NLGN1: variants seen among roughly 807,000 people sequenced by gnomAD.
The protein encoded by NLGN1 is neuroligin 1.
Under a neutral mutation model 65.5 loss-of-function variants are expected in NLGN1, and 12 were observed. That is an observed-to-expected ratio of 0.18 (90% CI 0.12 to 0.30). The LOEUF is 0.30. Ranked by LOEUF, NLGN1 falls within the 10% of genes least tolerant of loss-of-function variation. NLGN1 has a pLI of 1.00. For missense variants in NLGN1, 750 were observed against 1,007.1 expected (o/e 0.74, Z 3.46); for synonymous variants, 350 against 359.5 (o/e 0.97, Z 0.30).
intron 4 of NLGN1, among the ~76,000 whole-genome samples, chr3:174,043,107 T>C (rs2043000548): frequency 6.6e-6 from 1 of 152,168 alleles, no homozygotes; most frequent in African/African-American, 2.4e-5. Flanking sequence ...GAGAACTCAC[T>C]CACCATCATG....
intron 4 of NLGN1, among the ~76,000 whole-genome samples, chr3:174,264,409 C>T (rs1386264946): frequency 4.8e-5 from 7 of 146,086 alleles, no homozygotes; most frequent in African/African-American, 1.8e-4. Flanking sequence ...TCTAAACTTC[C>T]CTTCTCGCTT....
intron 4 of NLGN1, among the ~76,000 whole-genome samples, chr3:173,908,582 C>T (rs1738921501): frequency 1.3e-5 from 2 of 150,942 alleles, no homozygotes; most frequent in Non-Finnish European, 2.9e-5. Flanking sequence ...ACTAATATAA[C>T]AGCACCTAGT....
At chr3:173,659,928 C>T (rs1760676698) in intron 3 of NLGN1, among the ~76,000 whole-genome samples, 1 of 151,874 alleles carries the variant, frequency 6.6e-6, no homozygotes, top group Non-Finnish European at 1.5e-5. Context: ...ATCTTGCAGG[C>T]TAAATGTGAC....
Position 173,459,045 on chromosome 3 carries a change from T to G in NLGN1, c.-321+23967T>G, listed in dbSNP as rs550687594. ...CTGAAAGAGCAAAGATCTAGCATCTTTAGCCTCAGTGGTGGGAGACACTCT... is the reference window on the plus strand; with the variant it reads ...CTGAAAGAGCAAAGATCTAGCATCTGTAGCCTCAGTGGTGGGAGACACTCT... On this transcript the variant is annotated intron_variant, in intron 2 of 6. Transcript: ENST00000457714. Among the ~76,000 whole-genome samples the G allele has an allele frequency of 4.6e-4, 70 of 152,158 alleles. 1 individual carries two copies. Among genetic ancestry groups the G allele is most frequent in the African/African-American group, 1.6e-3 (66 of 41,534 alleles).
chr3:174,232,340 G>A (rs948935504), intron 4 of NLGN1, among the ~76,000 whole-genome samples: 3 of 152,084 alleles, frequency 2.0e-5, no homozygotes, highest in South Asian at 4.2e-4. Context: ...CTTCTTTTGT[G>A]GTGGAATGTC....
At chr3:173,946,659 A>G (rs1381778199) in intron 4 of NLGN1, among the ~76,000 whole-genome samples, 1 of 152,142 alleles carries the variant, frequency 6.6e-6, no homozygotes, top group East Asian at 1.9e-4. Context: ...TCGATTGCAA[A>G]CTGCCCTACC....
chr3:174,176,195 C>CA (rs1364908340), intron 4 of NLGN1, among the ~76,000 whole-genome samples: 3 of 151,704 alleles, frequency 2.0e-5, no homozygotes, highest in African/African-American at 7.3e-5. Context: ...ATTTTTAGTG[C>CA]AAAATATCAT....
intron 3 of NLGN1, among the ~76,000 whole-genome samples, chr3:173,716,673 A>G (rs966071066): frequency 1.3e-5 from 2 of 152,120 alleles, no homozygotes; most frequent in Non-Finnish European, 2.9e-5. Flanking sequence ...TGTTATTTTA[A>G]TGATGATTAT....
Position 173,776,952 on chromosome 3 carries a change from C to T in NLGN1, c.494-30728C>T, listed in dbSNP as rs562778103. The stretch of plus-strand genomic sequence containing the variant: ...ATCATAATCTAACCATACAAGACAA[C>T]GATCAGACTGTGTATACCACACAGA... On this transcript the variant is annotated intron_variant, in intron 3 of 6. Transcript: ENST00000457714. Among the ~76,000 whole-genome samples, 5 of 152,006 alleles carry T rather than the reference C, an allele frequency of 3.3e-5. No homozygotes were observed. In the South Asian group the frequency reaches 8.3e-4, roughly 25 times the overall value.
At chr3:174,069,920 C>T (rs1297301653) in intron 4 of NLGN1, among the ~76,000 whole-genome samples, 1 of 152,166 alleles carries the variant, frequency 6.6e-6, no homozygotes, top group Non-Finnish European at 1.5e-5. Context: ...ATCACTAAAT[C>T]TCAGTAACCA....
intron 4 of NLGN1, among the ~76,000 whole-genome samples, chr3:174,096,307 G>T (rs753333516): frequency 1.3e-5 from 2 of 151,386 alleles, no homozygotes; most frequent in Non-Finnish European, 2.9e-5. Flanking sequence ...AAACTGGATT[G>T]TCTCCTCCAT....
intron 2 of NLGN1, among the ~76,000 whole-genome samples, chr3:173,488,902 C>CTTTT (rs528549330): frequency 6.9e-6 from 1 of 143,966 alleles, no homozygotes; most frequent in African/African-American, 2.5e-5. Context: ...CTTCAGCTTT[C>CTTTT]TTTTTTTTTT....
chr3:173,511,998 A>G (rs1256477334), intron 2 of NLGN1, among the ~76,000 whole-genome samples: 3 of 152,138 alleles, frequency 2.0e-5, no homozygotes, highest in African/African-American at 7.2e-5. Context: ...TCAACCCCTC[A>G]TGGGTGGAAG....
At chr3:174,044,799 A>G (rs905218782) in intron 4 of NLGN1, among the ~76,000 whole-genome samples, 4 of 151,992 alleles carry the variant, frequency 2.6e-5, no homozygotes, top group Admixed American at 6.6e-5. Flanking sequence ...ACCTGGTGGG[A>G]GGTAATTGAG....
At chr3:174,265,528 C>G (rs1485830714) in intron 4 of NLGN1, among the ~76,000 whole-genome samples, 6 of 151,950 alleles carry the variant, frequency 3.9e-5, no homozygotes, top group African/African-American at 7.3e-5. Flanking sequence ...ATGCCTCGCC[C>G]TGTTTCGGCT....
intron 2 of NLGN1, among the ~76,000 whole-genome samples, chr3:173,487,306 T>A (rs1041540428): frequency 6.6e-6 from 1 of 151,764 alleles, no homozygotes; most frequent in Non-Finnish European, 1.5e-5. Context: ...GTTTGGGAAT[T>A]AGGAGTTTTT....
intron 4 of NLGN1, among the ~76,000 whole-genome samples, chr3:174,003,524 A>T (rs929711080): frequency 1.3e-5 from 2 of 152,182 alleles, no homozygotes; most frequent in Non-Finnish European, 2.9e-5. Context: ...TGATCTGTGG[A>T]AACTCTTTAT....
intron 3 of NLGN1, among the ~76,000 whole-genome samples, chr3:173,668,114 A>G (rs113660995): frequency 4.6e-5 from 7 of 152,336 alleles, no homozygotes; most frequent in African/African-American, 1.7e-4. Context: ...GGACCTGTGA[A>G]TAATATGATC....
chr3:174,194,447 CAA>C (rs1263233084), intron 4 of NLGN1, among the ~76,000 whole-genome samples: 2 of 113,628 alleles, frequency 1.8e-5, no homozygotes, highest in Non-Finnish European at 1.9e-5. Flanking sequence ...GACTCCGTCT[CAA>C]AAAAAAAAAA....
Sources: allele counts gnomAD v4.1 joint callset (sites outside exome capture counted in the v4.1 genomes callset), GRCh38; gene constraint gnomAD v4.1.1; transcripts MANE v1.5; gene names NCBI Gene and HGNC (gene_info 2026-07-23, HGNC 2026-07-21).